Variants in IL6R observed in about 807,000 individuals in gnomAD.
IL6R encodes interleukin-6 receptor subunit alpha.
Under a neutral mutation model 48.3 loss-of-function variants are expected in IL6R, and 38 were observed. The observed-to-expected ratio is 0.79, with a 90% CI of 0.61 to 1.03. IL6R has a LOEUF of 1.03. Among genes scored for constraint, IL6R ranks in the 50% least tolerant of loss-of-function variants. IL6R has a pLI of 0.00. For synonymous variants in IL6R, 264 were observed against 256.2 expected (o/e 1.03, Z -0.29); for missense variants, 534 against 618.3 (o/e 0.86, Z 1.45).
chr1:154,416,989 A>G (rs1177250014), intron 1 of IL6R, among the ~76,000 whole-genome samples: 1 of 152,014 alleles, frequency 6.6e-6, no homozygotes, highest in Non-Finnish European at 1.5e-5. Flanking sequence ...GACTTCTTAA[A>G]TCTTCAGCTT....
At chr1:154,441,178 G>A (rs1689912541) in intron 6 of IL6R, among the ~76,000 whole-genome samples, 1 of 152,148 alleles carries the variant, frequency 6.6e-6, no homozygotes. Flanking sequence ...TACATGAGAT[G>A]GTCTGTGAAT....
intron 1 of IL6R, among the ~76,000 whole-genome samples, chr1:154,411,817 G>A (rs12135008): frequency 0.025 from 3,776 of 152,134 alleles, 54 homozygotes; most frequent in Non-Finnish European, 0.04. Flanking sequence ...GCAGTGAACC[G>A]TGACAGCAAC....
In IL6R at chr1:154,468,445, AAATGATCAAT is replaced by A. The variant is rs1309378399; in HGVS notation, c.*3070_*3079del. ...ATATGCTGGTTCAAGGCCTAAAGTA[AAATGATCAAT>A]AATGTTTGTAGCATTAATGAAATAT... is the stretch of plus-strand genomic sequence containing the variant. On this transcript the variant is annotated 3_prime_UTR_variant, in exon 10 of 10. Transcript: ENST00000368485. 2 of 152,254 alleles carry A rather than the reference AAATGATCAAT, an allele frequency of 1.3e-5. No individual in the cohort carries two copies. The highest frequency in any genetic ancestry group is 4.8e-5 in the African/African-American group (2 of 41,466). The allele number at this position is 152,254 out of a possible 1,614,324, so 9.4% of individuals were successfully genotyped here.
At chr1:154,445,476 C>T (rs144732543) in intron 6 of IL6R, among the ~76,000 whole-genome samples, 6 of 152,240 alleles carry the variant, frequency 3.9e-5, no homozygotes, top group East Asian at 1.9e-4. Flanking sequence ...GACAGCTGGG[C>T]GCGGTGGCTC....
chr1:154,435,590 C>T (rs1025470566), intron 5 of IL6R, among the ~76,000 whole-genome samples: 7 of 151,976 alleles, frequency 4.6e-5, no homozygotes, highest in Non-Finnish European at 8.8e-5. Flanking sequence ...ACCTTCGTTG[C>T]TTTGGATAAA....
chr1:154,423,786 A>G (rs1291578008), intron 1 of IL6R, among the ~76,000 whole-genome samples: 1 of 152,210 alleles, frequency 6.6e-6, no homozygotes, highest in African/African-American at 2.4e-5. Context: ...GCCATTACTC[A>G]AGTTCCTTGG....
chr1:154,411,220 G>A (rs890149392), intron 1 of IL6R, among the ~76,000 whole-genome samples: 11 of 152,064 alleles, frequency 7.2e-5, no homozygotes, highest in Non-Finnish European at 1.0e-4. Flanking sequence ...CACCACACCT[G>A]GCTAATTTTT....
At chr1:154,414,580 T>G in intron 1 of IL6R, 1 of 750,404 alleles carries the variant, frequency 1.3e-6, no homozygotes, top group Non-Finnish European at 2.4e-6. Flanking sequence ...GATTTTCTCA[T>G]AGGCTTTCTT....
intron 7 of IL6R, among the ~76,000 whole-genome samples, chr1:154,449,360 A>C (rs1190943233): frequency 6.6e-6 from 1 of 152,070 alleles, no homozygotes; most frequent in African/African-American, 2.4e-5. Flanking sequence ...ACTGAAATAC[A>C]AAATTAGCTG....
chr1:154,414,484 G>T, intron 1 of IL6R: 1 of 951,220 alleles, frequency 1.1e-6, no homozygotes, highest in Non-Finnish European at 1.7e-6. Flanking sequence ...AGTTGTTGGG[G>T]CCCGGGACCC....
chr1:154,464,401 C>T (rs899350667), intron 9 of IL6R, among the ~76,000 whole-genome samples: 1 of 152,040 alleles, frequency 6.6e-6, no homozygotes, highest in Non-Finnish European at 1.5e-5. Context: ...GTGATCCGCC[C>T]GCCTCGGCCT....
rs1354636436 is a variant in IL6R at position 154,467,137 on chromosome 1, C to A, written c.*1757C>A. On this transcript the variant is annotated 3_prime_UTR_variant, in exon 10 of 10. Coordinates refer to ENST00000368485, the MANE Select transcript of IL6R (RefSeq NM_000565.4). ...GCTATCAAAGAGGTTTTAAAAAAAT[C>A]CCATTTAAAAAAAATCCCTTACCTC... 1 of 152,128 alleles carries A rather than the reference C, an allele frequency of 6.6e-6. No homozygotes were observed. The highest frequency in any genetic ancestry group is 1.5e-5 in the Non-Finnish European group (1 of 68,020). The allele number at this position is 152,128 out of a possible 1,614,324, so 9.4% of individuals were successfully genotyped here.
chr1:154,433,690 A>G (rs949436256), intron 3 of IL6R, among the ~76,000 whole-genome samples: 1 of 151,556 alleles, frequency 6.6e-6, no homozygotes, highest in African/African-American at 2.4e-5. Flanking sequence ...ATATTTGTAA[A>G]TCCAGCTAGT....
In IL6R at chr1:154,430,620, G is replaced by C; in HGVS notation, c.458+14G>C. ...GGTGAGGAAGTTGTAAGTATCTTGG[G>C]CTGAGCTATGTGCATGTTGGCTCCC... On this transcript the variant is annotated intron_variant, in intron 3 of 9. Coordinates refer to ENST00000368485, the MANE Select transcript of IL6R (RefSeq NM_000565.4). The C allele has an allele frequency of 6.2e-7, 1 of 1,614,132 alleles. No homozygotes were observed. Among genetic ancestry groups the C allele is most frequent in the Non-Finnish European group, 8.5e-7 (1 of 1,180,002 alleles).
intron 8 of IL6R, among the ~76,000 whole-genome samples, chr1:154,450,585 T>C (rs934969047): frequency 6.6e-6 from 1 of 152,188 alleles, no homozygotes; most frequent in African/African-American, 2.4e-5. Context: ...GCAAACAAGA[T>C]TATTGGAGTC....
At chr1:154,434,311 A>AAAAAC (rs1174614962) in intron 3 of IL6R, among the ~76,000 whole-genome samples, 6 of 152,104 alleles carry the variant, frequency 3.9e-5, no homozygotes, top group African/African-American at 7.2e-5. Context: ...ACTCTATCAC[A>AAAAAC]AAAACAAAAC....
At chr1:154,411,111 T>G (rs148038525) in intron 1 of IL6R, among the ~76,000 whole-genome samples, 3,110 of 152,198 alleles carry the variant, frequency 0.02, 107 homozygotes, top group African/African-American at 0.07. Context: ...CAGGCTGGAG[T>G]GCAGTGGTGC....
At chr1:154,459,150 A>G (rs1691098348) in intron 9 of IL6R, among the ~76,000 whole-genome samples, 1 of 152,172 alleles carries the variant, frequency 6.6e-6, no homozygotes, top group South Asian at 2.1e-4. Flanking sequence ...CTGGCCCTTA[A>G]CATGCAGCAC....
At position 154,430,625 on chromosome 1, in the gene IL6R, G is replaced by C. The variant is rs778964716; in HGVS notation, c.458+19G>C. ...GGAAGTTGTAAGTATCTTGGGCTGA[G>C]CTATGTGCATGTTGGCTCCCTCCTT... On this transcript the variant is annotated intron_variant, in intron 3 of 9. Transcript: ENST00000368485. 1 of 1,614,100 alleles carries C rather than the reference G, an allele frequency of 6.2e-7. No homozygotes were observed. Among genetic ancestry groups the C allele is most frequent in the Non-Finnish European group, 8.5e-7 (1 of 1,179,980 alleles).
Sources: gnomAD v4.1 joint callset for allele counts (sites outside exome capture counted in the v4.1 genomes callset) on GRCh38, gnomAD v4.1.1 for gene constraint, MANE v1.5 for transcripts, NCBI Gene and HGNC (gene_info 2026-07-23, HGNC 2026-07-21) for gene names.